Variants in ATP2A3 observed in about 807,000 individuals in gnomAD.
ATP2A3 encodes sarcoplasmic/endoplasmic reticulum calcium ATPase 3.
In ATP2A3, 61 loss-of-function variants were observed where a neutral mutation model predicts 106.8. That is an observed-to-expected ratio of 0.57 (90% CI 0.46 to 0.71). The LOEUF (loss-of-function observed/expected upper bound fraction) is 0.71. ATP2A3 is among the 30% of genes least tolerant of loss of function. ATP2A3 has a pLI of 0.00. For synonymous variants in ATP2A3, 611 were observed against 609.3 expected (o/e 1.00, Z -0.04); for missense variants, 1,201 against 1,423.5 (o/e 0.84, Z 2.52).
In ATP2A3 at chr17:3,930,240, GAACCCCCAGCCCTC is replaced by G. The variant is rs1193709211; in HGVS notation, c.2744+47_2744+60del. On this transcript the variant is annotated intron_variant, in intron 18 of 20. Transcript: ENST00000397041. The surrounding 1 kb of genome is among the most constrained non-coding windows in gnomAD (Gnocchi z 5.4). ...CCCTGACCCTCAGACACTGATACTGGAACCCCCAGCCCTCAGCCCCCACTCCTCGGCCCCAGCTC... is the reference window on the plus strand; with the variant it reads ...CCCTGACCCTCAGACACTGATACTGGAGCCCCCACTCCTCGGCCCCAGCTC... 7.3e-7 allele frequency: 1 copy of G among 1,375,338 alleles called. No individual in the cohort carries two copies. Among genetic ancestry groups the G allele is most frequent in the Non-Finnish European group, 9.5e-7 (1 of 1,055,284 alleles). The allele number at this position is 1,375,338 out of a possible 1,614,324, so 85.2% of individuals were successfully genotyped here. A position where few individuals can be genotyped will look rare whatever the true frequency, so the allele number is the denominator to read the frequency against.
intron 7 of ATP2A3, among the ~76,000 whole-genome samples, chr17:3,948,078 G>A (rs917676308): frequency 1.3e-5 from 2 of 152,172 alleles, no homozygotes; most frequent in South Asian, 2.1e-4. Flanking sequence ...GTTCATCGCC[G>A]TATCCCCAGT....
chr17:3,947,984 G>A lies in ATP2A3; in HGVS notation c.631-129C>T. The A allele has an allele frequency of 1.1e-6, 1 of 886,408 alleles. No homozygotes were observed. Among genetic ancestry groups the A allele is most frequent in the South Asian group, 1.5e-5 (1 of 65,426 alleles). The allele number at this position is 886,408 out of a possible 1,614,324, so 54.9% of individuals were successfully genotyped here. The stretch of plus-strand genomic sequence containing the variant: ...CTTTCCTTTTCTCCATGTTGCTAGT[G>A]CTTCCAGACTCCTGTAGCTATGTAT... On this transcript the variant is annotated intron_variant, in intron 7 of 20. Coordinates refer to ENST00000397041, the MANE Select transcript of ATP2A3 (RefSeq NM_005173.4). This position sits in a 1 kb window ranked among gnomAD's most constrained non-coding sequence, Gnocchi z 7.7.
chr17:3,951,553 G>GGCCCCC, intron 4 of ATP2A3, 28 bp downstream of exon 4: 1 of 647,376 alleles, frequency 1.5e-6, no homozygotes, highest in Non-Finnish European at 2.1e-6. Flanking sequence ...ACCGCCCCCC[G>GGCCCCC]CCCGGTCCCA....
chr17:3,943,633 C>A, intron 10 of ATP2A3, 111 bp from the exon 11 acceptor site: 1 of 1,551,430 alleles, frequency 6.4e-7, no homozygotes, highest in South Asian at 1.1e-5. Flanking sequence ...TTCCGTGTAA[C>A]CTCCTTTGCA....
rs1293287168 is a variant in ATP2A3, at chr17:3,936,730, A to ACG, written c.2322-262_2322-261insCG. 2.0e-6 allele frequency: 1 copy of ACG among 489,996 alleles called. No homozygotes were observed. Among genetic ancestry groups the ACG allele is most frequent in the African/African-American group, 2.0e-5 (1 of 51,244 alleles). 30.4% of individuals were successfully genotyped at this position (489,996 alleles called of 1,614,324 possible). On this transcript the variant is annotated intron_variant, in intron 15 of 20. Transcript: ENST00000397041. The surrounding 1 kb of genome is among the most constrained non-coding windows in gnomAD (Gnocchi z 5.4). ...CCTAGCAGAGGCCAAGTACACACACACACACACACACACACACACACACAC... is the reference window on the plus strand; with the variant it reads ...CCTAGCAGAGGCCAAGTACACACACACGCACACACACACACACACACACACAC...
Position 3,944,505 on chromosome 17 carries a change from A to C in ATP2A3, c.1287+199T>G, listed in dbSNP as rs564330355. Reference sequence around the variant, plus strand: ...CCATGGCAGTCCCCCACAGACCAAGAGCCCCAGGGGGAGGGTTCTGAAGCC... The same window carrying C: ...CCATGGCAGTCCCCCACAGACCAAGCGCCCCAGGGGGAGGGTTCTGAAGCC... On this transcript the variant is annotated intron_variant, in intron 10 of 20. Coordinates refer to ENST00000397041, the MANE Select transcript of ATP2A3 (RefSeq NM_005173.4). 9.9e-5 allele frequency among the ~76,000 whole-genome samples: 15 copies of C among 152,070 alleles called. No individual in the cohort carries two copies. The East Asian group carries it at 2.9e-3, about 29-fold the overall frequency.
rs774212478 is a variant in ATP2A3 at position 3,950,755 on chromosome 17, G to A, written c.482C>T (p.Ala161Val). 1 of 1,613,498 alleles carries A rather than the reference G, an allele frequency of 6.2e-7. No individual in the cohort carries two copies. Reference protein sequence around the residue: ...VEVAVGDKVPADLRLIEIKST... With the variant: ...VEVAVGDKVPVDLRLIEIKST... ...CTTGATCTCGATGAGGCGGAGGTCA[G>A]CAGGCACTTTGTCCCCCACTGTGCG... Residue 161 changes from alanine to valine, a missense_variant, in exon 6 of 21, where the codon GCT becomes GTT. Coordinates refer to ENST00000397041, the MANE Select transcript of ATP2A3 (RefSeq NM_005173.4).
chr17:3,927,201 C>A, intron 20 of ATP2A3: 1 of 985,470 alleles, frequency 1.0e-6, no homozygotes, highest in Middle Eastern at 5.2e-4. Flanking sequence ...CTAGGACCCT[C>A]CCGCTCTTTA....
chr17:3,947,870 G>C lies in ATP2A3; in HGVS notation c.631-15C>G, dbSNP rs1161605105. 6.3e-7 allele frequency: 1 copy of C among 1,598,082 alleles called. No individual in the cohort carries two copies. Among genetic ancestry groups the C allele is most frequent in the Non-Finnish European group, 8.5e-7 (1 of 1,179,714 alleles). On this transcript the variant is annotated splice_polypyrimidine_tract_variant and intron_variant, in intron 7 of 20. Coordinates refer to ENST00000397041, the MANE Select transcript of ATP2A3 (RefSeq NM_005173.4). The surrounding 1 kb of genome is among the most constrained non-coding windows in gnomAD (Gnocchi z 7.7). ...ATATTGGTGCCCTGGCCAGGGGAGG[G>C]ACAAGGAAAAAGCTGCTCAGCAGCC... is the stretch of plus-strand genomic sequence containing the variant.
chr17:3,933,287 A>G (rs1194502639), intron 17 of ATP2A3, among the ~76,000 whole-genome samples: 2 of 150,976 alleles, frequency 1.3e-5, no homozygotes, highest in Non-Finnish European at 2.9e-5. Flanking sequence ...TCTCAAATAA[A>G]TAAATAAATA....
intron 10 of ATP2A3, among the ~76,000 whole-genome samples, chr17:3,944,007 A>C: frequency 6.6e-6 from 1 of 151,672 alleles, no homozygotes; most frequent in South Asian, 2.1e-4. Context: ...TGTCTCTTTC[A>C]CCTAACCAGT....
In ATP2A3 at chr17:3,953,351, G is replaced by A; in HGVS notation, c.215C>T (p.Ser72Phe). Residue 72 changes from serine (S) to phenylalanine (F), a missense_variant, in exon 3 of 21, where the codon TCC becomes TTC. Ser to Phe is a radical substitution (Grantham distance 155, BLOSUM62 -2). Around this residue, in one of 2 missense-constraint regions of ATP2A3, gnomAD observed 266 missense variants for 246.8 expected, o/e 1.08. Coordinates refer to ENST00000397041, the MANE Select transcript of ATP2A3 (RefSeq NM_005173.4). This position sits in a 1 kb window ranked among gnomAD's most constrained non-coding sequence, Gnocchi z 5.1. ...VRILLLAALV[S>F]FVLAWFEEGE... Reference sequence around the variant, plus strand: ...GGCTGGCAGGGCCCTACTTACAAAGGAGACAAGGGCAGCCAGCAGCAGGAT... The same window carrying A: ...GGCTGGCAGGGCCCTACTTACAAAGAAGACAAGGGCAGCCAGCAGCAGGAT... The A allele has an allele frequency of 6.2e-7, 1 of 1,613,942 alleles. No homozygotes were observed. Among genetic ancestry groups the A allele is most frequent in the Non-Finnish European group, 8.5e-7 (1 of 1,179,992 alleles).
At chr17:3,956,706 C>T (rs1453608661) in intron 1 of ATP2A3, among the ~76,000 whole-genome samples, 1 of 152,334 alleles carries the variant, frequency 6.6e-6, no homozygotes, top group Admixed American at 6.5e-5. Flanking sequence ...GCTGCCAGCA[C>T]TCAGCAGGAG....
At position 3,940,961 on chromosome 17, in the gene ATP2A3, G is replaced by A. The variant is rs1315309977; in HGVS notation, c.2100+10C>T. 3 of 1,613,750 alleles carry A rather than the reference G, an allele frequency of 1.9e-6. No individual in the cohort carries two copies. In the South Asian group the frequency reaches 3.3e-5, roughly 18 times the overall value. On this transcript the variant is annotated intron_variant, in intron 14 of 20. Transcript: ENST00000397041. ...TCACCCCCTCCTGGGGCTCCAGGCT[G>A]TGGCCTCACCATAGCAGTGATCTCG... is the stretch of plus-strand genomic sequence containing the variant.
intron 14 of ATP2A3, among the ~76,000 whole-genome samples, chr17:3,939,145 C>A (rs2053602368): frequency 6.6e-6 from 1 of 152,008 alleles, no homozygotes; most frequent in Non-Finnish European, 1.5e-5. Flanking sequence ...CCAGCCTGGG[C>A]AACAGAGTGA....
chr17:3,953,314 C>T lies in ATP2A3; in HGVS notation c.219+33G>A. ...CTGGCTCTCCCTCCAGGGCTACCGACTACCACAGGATGGCTGGCAGGGCCC... is the reference window on the plus strand; with the variant it reads ...CTGGCTCTCCCTCCAGGGCTACCGATTACCACAGGATGGCTGGCAGGGCCC... On this transcript the variant is annotated intron_variant, in intron 3 of 20. Coordinates refer to ENST00000397041, the MANE Select transcript of ATP2A3 (RefSeq NM_005173.4). This position sits in a 1 kb window ranked among gnomAD's most constrained non-coding sequence, Gnocchi z 5.1. 1 of 1,609,792 alleles carries T rather than the reference C, an allele frequency of 6.2e-7. No individual in the cohort carries two copies. The highest frequency in any genetic ancestry group is 8.5e-7 in the Non-Finnish European group (1 of 1,176,380).
At chr17:3,950,464 G>A in intron 7 of ATP2A3, 47 bp downstream of exon 7, 1 of 1,587,282 alleles carries the variant, frequency 6.3e-7, no homozygotes, top group African/African-American at 1.3e-5. Flanking sequence ...TCCTAATGTT[G>A]TTATTTTTAT....
intron 3 of ATP2A3, 113 bp from the exon 4 acceptor site, chr17:3,951,798 G>A: frequency 9.1e-7 from 1 of 1,103,898 alleles, no homozygotes; most frequent in Non-Finnish European, 1.3e-6. Context: ...AGATAGCACT[G>A]GGGAGCTCTT....
intron 17 of ATP2A3, among the ~76,000 whole-genome samples, chr17:3,931,739 T>C (rs1386098436): frequency 6.6e-6 from 1 of 152,120 alleles, no homozygotes; most frequent in Non-Finnish European, 1.5e-5. Context: ...GCCAGGATGG[T>C]CTAGAACTCC....
Sources: allele counts gnomAD v4.1 joint callset (sites outside exome capture counted in the v4.1 genomes callset), GRCh38; gene constraint gnomAD v4.1.1; regional missense constraint gnomAD v4.1.1; non-coding constraint Gnocchi (gnomAD v3.1); transcripts MANE v1.5; gene names NCBI Gene and HGNC (gene_info 2026-07-23, HGNC 2026-07-21).